PLCL2: variants seen among roughly 807,000 people sequenced by gnomAD.
PLCL2 encodes phospholipase C like 2, also known as inactive phospholipase C-like protein 2.
Under a neutral mutation model 79.6 loss-of-function variants are expected in PLCL2, and 4 were observed. The observed-to-expected ratio is 0.05, with a 90% CI of 0.02 to 0.11. The LOEUF is 0.11. Among genes scored for constraint, PLCL2 ranks in the 10% least tolerant of loss-of-function variants. PLCL2 has a pLI of 1.00. For missense variants in PLCL2, 895 were observed against 1,291.0 expected (o/e 0.69, Z 4.70); for synonymous variants, 484 against 457.7 (o/e 1.06, Z -0.73).
intron 3 of PLCL2, among the ~76,000 whole-genome samples, chr3:17,037,562 G>A (rs1164776358): frequency 6.6e-6 from 1 of 152,166 alleles, no homozygotes; most frequent in African/African-American, 2.4e-5. Flanking sequence ...AGAAGATGCA[G>A]TAGCCACATC....
chr3:16,998,575 A>C (rs2064177032), intron 1 of PLCL2, among the ~76,000 whole-genome samples: 1 of 152,216 alleles, frequency 6.6e-6, no homozygotes, highest in Non-Finnish European at 1.5e-5. Flanking sequence ...AAGGATCACT[A>C]GTGTAATTTA....
chr3:16,983,058 T>A (rs957845661), intron 1 of PLCL2, among the ~76,000 whole-genome samples: 1 of 152,222 alleles, frequency 6.6e-6, no homozygotes, highest in African/African-American at 2.4e-5. Flanking sequence ...AAACATGATA[T>A]AAAGTATATA....
At chr3:16,933,771 A>G (rs1372750570) in intron 1 of PLCL2, among the ~76,000 whole-genome samples, 1 of 152,084 alleles carries the variant, frequency 6.6e-6, no homozygotes, top group East Asian at 1.9e-4. Context: ...TTATTTAGCC[A>G]GTTTCTTGAG....
At chr3:17,074,213 G>T (rs1443028585) in intron 5 of PLCL2, among the ~76,000 whole-genome samples, 1 of 152,196 alleles carries the variant, frequency 6.6e-6, no homozygotes, top group Non-Finnish European at 1.5e-5. Flanking sequence ...TGTATTAGCA[G>T]GCATGAAAGC....
chr3:16,900,690 T>C (rs1446087756), intron 1 of PLCL2, among the ~76,000 whole-genome samples: 1 of 152,208 alleles, frequency 6.6e-6, no homozygotes, highest in Non-Finnish European at 1.5e-5. Context: ...AACATCAGCT[T>C]AGTGGGCTCT....
intron 4 of PLCL2, among the ~76,000 whole-genome samples, chr3:17,055,862 C>G (rs1283854846): frequency 6.6e-6 from 1 of 152,138 alleles, no homozygotes; most frequent in Non-Finnish European, 1.5e-5. Context: ...CAGGCATGCA[C>G]CAGCTGTGTG....
chr3:16,971,862 G>A (rs1575562358), intron 1 of PLCL2, among the ~76,000 whole-genome samples: 1 of 152,078 alleles, frequency 6.6e-6, no homozygotes, highest in Non-Finnish European at 1.5e-5. Context: ...TCTGTTATTG[G>A]TGTATAAGAA....
rs1312307317 is a variant in PLCL2, at chr3:16,980,579, G to T, written c.328-29095G>T. ...CGCTCCTCACTTCCCAGATGTGATG[G>T]CGGCCGGGAAGAGGCGCTCCTCACT... On this transcript the variant is annotated intron_variant, in intron 1 of 5. Transcript: ENST00000615277. 4.2e-3 allele frequency among the ~76,000 whole-genome samples: 634 copies of T among 151,996 alleles called. 2 individuals carry two copies. Among genetic ancestry groups the T allele is most frequent in the African/African-American group, 0.015 (609 of 41,456 alleles).
At chr3:17,080,081 C>T (rs2124953292) in intron 5 of PLCL2, among the ~76,000 whole-genome samples, 1 of 152,302 alleles carries the variant, frequency 6.6e-6, no homozygotes, top group East Asian at 1.9e-4. Context: ...AGGCGGTCTT[C>T]CTGCTGTGGG....
chr3:17,032,469 T>C (rs1013876878), intron 3 of PLCL2, among the ~76,000 whole-genome samples: 2 of 152,174 alleles, frequency 1.3e-5, no homozygotes, highest in Non-Finnish European at 2.9e-5. Flanking sequence ...CTCTGTGATT[T>C]TGTCGATTTT....
intron 1 of PLCL2, among the ~76,000 whole-genome samples, chr3:16,903,610 T>C (rs1416025563): frequency 6.6e-6 from 1 of 152,208 alleles, no homozygotes; most frequent in Admixed American, 6.5e-5. Context: ...AAGTGTGGAA[T>C]CGGTAGGAGT....
chr3:17,031,231 A>G (rs996699180), intron 3 of PLCL2, among the ~76,000 whole-genome samples: 9 of 152,114 alleles, frequency 5.9e-5, no homozygotes, highest in Admixed American at 3.3e-4. Flanking sequence ...TGAACTCACT[A>G]TCTTTAATGT....
chr3:16,963,808 A>C, intron 1 of PLCL2, among the ~76,000 whole-genome samples: 1 of 150,736 alleles, frequency 6.6e-6, no homozygotes, highest in South Asian at 2.1e-4. Flanking sequence ...TTCTCAAGTC[A>C]CCCTTCTCCT....
chr3:16,930,534 T>A (rs1326653866), intron 1 of PLCL2, among the ~76,000 whole-genome samples: 1 of 152,238 alleles, frequency 6.6e-6, no homozygotes, highest in Non-Finnish European at 1.5e-5. Flanking sequence ...TGTAGTGTAC[T>A]GTTTTCTTAA....
chr3:16,910,796 T>G (rs553452024), intron 1 of PLCL2, among the ~76,000 whole-genome samples: 10 of 152,218 alleles, frequency 6.6e-5, no homozygotes, highest in Admixed American at 5.9e-4. Context: ...ATCTGTAGCC[T>G]TCTTTCTTAG....
At chr3:16,892,264 A>G (rs968332796) in intron 1 of PLCL2, among the ~76,000 whole-genome samples, 2 of 152,228 alleles carry the variant, frequency 1.3e-5, no homozygotes, top group African/African-American at 4.8e-5. Context: ...TTAAAGATGG[A>G]TCTAGGAATT....
rs138013147 is a variant in PLCL2, at chr3:17,025,212, C to G, written c.3018+10301C>G. On this transcript the variant is annotated intron_variant, in intron 3 of 5. Transcript: ENST00000615277. Reference sequence around the variant, plus strand: ...ATAATATAATTTTATTGTTTAGAATCCTTATGTTCTTGATATCCTTCCTTG... The same window carrying G: ...ATAATATAATTTTATTGTTTAGAATGCTTATGTTCTTGATATCCTTCCTTG... Among the ~76,000 whole-genome samples, 5 of 152,220 alleles carry G rather than the reference C, an allele frequency of 3.3e-5. No homozygotes were observed. In the East Asian group the frequency reaches 9.6e-4, roughly 29 times the overall value.
At chr3:16,947,193 TC>T (rs1056074341) in intron 1 of PLCL2, among the ~76,000 whole-genome samples, 1 of 151,896 alleles carries the variant, frequency 6.6e-6, no homozygotes, top group Admixed American at 6.6e-5. Context: ...CAAGCGATCC[TC>T]CTACCACAGC....
chr3:16,998,353 G>C lies in PLCL2; in HGVS notation c.328-11321G>C, dbSNP rs369289942. On this transcript the variant is annotated intron_variant, in intron 1 of 5. Coordinates refer to ENST00000615277, the MANE Select transcript of PLCL2 (RefSeq NM_001144382.2). The stretch of plus-strand genomic sequence containing the variant: ...TTTTAAAATTCAATGCAATTTACTA[G>C]ACAGTTATTACCAATTAAAGTTATA... 4.6e-5 allele frequency among the ~76,000 whole-genome samples: 7 copies of C among 152,204 alleles called. 1 individual carries two copies.
Sources: allele counts gnomAD v4.1 joint callset (sites outside exome capture counted in the v4.1 genomes callset), GRCh38; gene constraint gnomAD v4.1.1; transcripts MANE v1.5; gene names NCBI Gene and HGNC (gene_info 2026-07-23, HGNC 2026-07-21).